MAN1A1: variants seen among roughly 807,000 people sequenced by gnomAD.
MAN1A1 encodes the protein mannosyl-oligosaccharide 1,2-alpha-mannosidase IA.
Under a neutral mutation model 70.8 loss-of-function variants are expected in MAN1A1, and 29 were observed. The ratio of observed to expected loss-of-function variants is 0.41; its 90% CI spans 0.31 to 0.56. The LOEUF is 0.56. Among genes scored for constraint, MAN1A1 ranks in the 20% least tolerant of loss-of-function variants. MAN1A1 has a pLI of 0.29. For synonymous variants in MAN1A1, 349 were observed against 330.1 expected (o/e 1.06, Z -0.62); for missense variants, 747 against 841.3 (o/e 0.89, Z 1.39).
chr6:119,184,294 T>A (rs1201329950), intron 11 of MAN1A1, among the ~76,000 whole-genome samples: 1 of 152,232 alleles, frequency 6.6e-6, no homozygotes, highest in Non-Finnish European at 1.5e-5. Context: ...AGTGATCCTA[T>A]GTGACTGGGA....
intron 5 of MAN1A1, among the ~76,000 whole-genome samples, chr6:119,268,863 A>G (rs1019235757): frequency 1.3e-5 from 2 of 152,184 alleles, no homozygotes; most frequent in Admixed American, 6.5e-5. Flanking sequence ...TTACAGGTGT[A>G]AGCCAATGTG....
intron 6 of MAN1A1, among the ~76,000 whole-genome samples, chr6:119,212,642 G>C (rs774752774): frequency 2.0e-5 from 3 of 152,198 alleles, no homozygotes; most frequent in Non-Finnish European, 4.4e-5. Flanking sequence ...TCTGGCAGCT[G>C]AGTAGAGGAA....
rs1773353386 is a variant in MAN1A1, at chr6:119,188,535, A to C, written c.1589T>G (p.Val530Gly). Residue 530 changes from valine to glycine, a missense_variant, in exon 11 of 13, where the codon GTT becomes GGT. Physicochemically the swap from Val to Gly is moderately radical, Grantham distance 109. Around this residue, in one of 2 missense-constraint regions of MAN1A1, gnomAD observed 419 missense variants for 548.2 expected, o/e 0.76. Transcript: ENST00000368468. Reference protein sequence around the residue: ...GPEAFRFDGGVEAIATRQNEK... With the variant: ...GPEAFRFDGGGEAIATRQNEK... ...ATTTTGTCTTGTAGCGATGGCTTCA[A>C]CACCACCATCAAATCTGAAAGCTTC... The C allele has an allele frequency of 6.2e-7, 1 of 1,613,926 alleles. No homozygotes were observed. Among genetic ancestry groups the C allele is most frequent in the Non-Finnish European group, 8.5e-7 (1 of 1,179,900 alleles).
chr6:119,310,452 T>C (rs1772670534), intron 2 of MAN1A1, among the ~76,000 whole-genome samples: 1 of 152,128 alleles, frequency 6.6e-6, no homozygotes, highest in Admixed American at 6.6e-5. Flanking sequence ...TTCCGTAGTT[T>C]GTAGGATGTG....
intron 6 of MAN1A1, among the ~76,000 whole-genome samples, chr6:119,244,384 G>T (rs974594174): frequency 3.3e-5 from 5 of 152,034 alleles, no homozygotes; most frequent in Non-Finnish European, 5.9e-5. Context: ...CTCATTCTAT[G>T]ATCATATTGG....
At chr6:119,278,688 G>C (rs892893554) in intron 5 of MAN1A1, among the ~76,000 whole-genome samples, 3 of 152,166 alleles carry the variant, frequency 2.0e-5, no homozygotes, top group African/African-American at 4.8e-5. Context: ...GTGGGGCCTA[G>C]TAGGAGGTGT....
intron 2 of MAN1A1, among the ~76,000 whole-genome samples, chr6:119,336,246 T>C (rs1773447671): frequency 6.6e-6 from 1 of 152,164 alleles, no homozygotes; most frequent in African/African-American, 2.4e-5. Flanking sequence ...GTTTTTGTAT[T>C]TTTCGTAGAG....
intron 2 of MAN1A1, among the ~76,000 whole-genome samples, chr6:119,326,768 C>G (rs182634743): frequency 5.0e-4 from 76 of 152,250 alleles, no homozygotes; most frequent in African/African-American, 1.8e-3. Context: ...GAAACTGCCT[C>G]CGTGATTCAA....
chr6:119,193,963 AGCAACTAGGAT>A, intron 8 of MAN1A1, 71 bp from the exon 9 acceptor site: 1 of 872,116 alleles, frequency 1.1e-6, no homozygotes, highest in Non-Finnish European at 1.9e-6. Context: ...AAATCACATT[AGCAACTAGGAT>A]GCAACCCTAT....
chr6:119,179,974 C>G, intron 12 of MAN1A1, 29 bp from the exon 13 acceptor site: 1 of 1,609,500 alleles, frequency 6.2e-7, no homozygotes, highest in Non-Finnish European at 8.5e-7. Context: ...GTATATGAGG[C>G]CCAAGACACT....
intron 5 of MAN1A1, among the ~76,000 whole-genome samples, chr6:119,264,563 T>C (rs1179983904): frequency 2.6e-5 from 4 of 152,204 alleles, no homozygotes; most frequent in African/African-American, 9.6e-5. Flanking sequence ...CATCACTGCA[T>C]AATTTTGTTT....
rs1175652954 is a variant in MAN1A1 at position 119,348,918 on chromosome 6, C to A, written c.148G>T (p.Ala50Ser). ...EKFVLLLVFS[A>S]FITLCFGAIF... ...GCCCCGAAGCAGAGCGTGATGAAGG[C>A]GCTGAATACCAGCAGCAGCACGAAC... The change falls in exon 2 of 13, where the codon GCC becomes TCC. Residue 50 changes from alanine to serine, a missense_variant. By Grantham distance (99) the Ala-to-Ser change is moderately conservative. This residue lies in a region of MAN1A1 where 328 missense variants were observed against 293.1 expected (regional missense o/e 1.12). Transcript: ENST00000368468. 6.5e-7 allele frequency: 1 copy of A among 1,533,890 alleles called. No individual in the cohort carries two copies.
intron 11 of MAN1A1, among the ~76,000 whole-genome samples, chr6:119,186,312 C>T (rs1234413997): frequency 6.6e-6 from 1 of 152,004 alleles, no homozygotes; most frequent in Non-Finnish European, 1.5e-5. Flanking sequence ...TTAAGACCCC[C>T]TATGTTTCAG....
chr6:119,293,739 T>A (rs1772117937), intron 4 of MAN1A1, among the ~76,000 whole-genome samples: 1 of 152,122 alleles, frequency 6.6e-6, no homozygotes, highest in African/African-American at 2.4e-5. Context: ...ACCCTTTAGT[T>A]AACTCTTTAT....
intron 9 of MAN1A1, among the ~76,000 whole-genome samples, chr6:119,192,944 T>A (rs1343927427): frequency 1.3e-5 from 2 of 152,216 alleles, no homozygotes; most frequent in African/African-American, 4.8e-5. Context: ...CTAGAGACTT[T>A]AAGTAGTTTC....
intron 5 of MAN1A1, among the ~76,000 whole-genome samples, chr6:119,267,475 T>A (rs1358553248): frequency 2.0e-5 from 3 of 152,222 alleles, no homozygotes; most frequent in African/African-American, 7.2e-5. Flanking sequence ...TAAGCTTGAC[T>A]TTCTAAATAA....
At chr6:119,210,327 G>A (rs1346361914) in intron 6 of MAN1A1, among the ~76,000 whole-genome samples, 1 of 152,028 alleles carries the variant, frequency 6.6e-6, no homozygotes, top group Non-Finnish European at 1.5e-5. Flanking sequence ...GGCAAGTTGG[G>A]ATATTCTATC....
chr6:119,221,400 T>G (rs1483440651), intron 6 of MAN1A1, among the ~76,000 whole-genome samples: 2 of 150,862 alleles, frequency 1.3e-5, no homozygotes, highest in East Asian at 3.9e-4. Flanking sequence ...CTTCCTCATG[T>G]TACCTAATAC....
At chr6:119,299,229 T>C (rs912971188) in intron 4 of MAN1A1, among the ~76,000 whole-genome samples, 2 of 152,086 alleles carry the variant, frequency 1.3e-5, no homozygotes, top group Non-Finnish European at 1.5e-5. Context: ...ATGTAATGAT[T>C]AGAAAAGTAA....
Sources: allele counts gnomAD v4.1 joint callset (sites outside exome capture counted in the v4.1 genomes callset), GRCh38; gene constraint gnomAD v4.1.1; regional missense constraint gnomAD v4.1.1; transcripts MANE v1.5; gene names NCBI Gene and HGNC (gene_info 2026-07-23, HGNC 2026-07-21).